Variants in MYRIP observed in about 807,000 individuals in gnomAD.
MYRIP encodes rab effector MyRIP.
Under a neutral mutation model 98.0 loss-of-function variants are expected in MYRIP, and 49 were observed. The observed-to-expected ratio is 0.50, with a 90% CI of 0.40 to 0.63. The LOEUF (loss-of-function observed/expected upper bound fraction) is 0.63, where lower values mean the gene tolerates loss of function less well. Ranked by LOEUF, MYRIP falls within the 30% of genes least tolerant of loss-of-function variation. The probability of loss-of-function intolerance (pLI) is 0.00; values close to 1 mark genes in which losing one functional copy is unlikely to be tolerated. For synonymous variants in MYRIP, 404 were observed against 409.5 expected, an observed-to-expected ratio of 0.99 and a Z score of 0.16; for missense variants, 1,004 against 1,058.2, an observed-to-expected ratio of 0.95 and a Z score of 0.71.
At chr3:40,033,035 A>T (rs1455043385) in intron 2 of MYRIP, among the ~76,000 whole-genome samples, 2 of 151,088 alleles carry the variant, frequency 1.3e-5, no homozygotes, top group Middle Eastern at 3.2e-3. Flanking sequence ...CATGCTGAAA[A>T]CTCTCAATAA....
Position 40,188,757 on chromosome 3 carries a change from A to G in MYRIP, c.1028-1069A>G, listed in dbSNP as rs1018446912. Among the ~76,000 whole-genome samples the G allele has an allele frequency of 3.6e-5, 5 of 139,180 alleles. No homozygotes were observed. The South Asian group carries it at 1.0e-3, about 28-fold the overall frequency. The allele number at this position is 139,180 out of a possible 152,430, so 91.3% of individuals were successfully genotyped here. The stretch of plus-strand genomic sequence containing the variant: ...GTGCCATTGCACTGCAGCCTGGGCA[A>G]CAAGAGTGAAACTCTGTCTCAAAAA... On this transcript the variant is annotated intron_variant, in intron 9 of 16. Transcript: ENST00000302541.
chr3:39,834,943 T>C (rs1941576217), intron 1 of MYRIP, among the ~76,000 whole-genome samples: 1 of 152,112 alleles, frequency 6.6e-6, no homozygotes, highest in African/African-American at 2.4e-5. Context: ...CATTGAATGC[T>C]AGGAGTAAAA....
intron 8 of MYRIP, among the ~76,000 whole-genome samples, chr3:40,170,518 A>G (rs1342354727): frequency 1.3e-5 from 2 of 152,206 alleles, no homozygotes. Context: ...CAAAATGGTC[A>G]CATCTGGACA....
chr3:39,929,688 A>T (rs971338511), intron 2 of MYRIP, among the ~76,000 whole-genome samples: 20 of 152,060 alleles, frequency 1.3e-4, no homozygotes, highest in Non-Finnish European at 2.8e-4. Context: ...TTCAAATATT[A>T]TCTCTGTCTA....
chr3:40,052,218 C>T (rs971523718), intron 3 of MYRIP, among the ~76,000 whole-genome samples: 6 of 152,042 alleles, frequency 3.9e-5, no homozygotes, highest in Admixed American at 1.3e-4. Context: ...CTGGTAACCA[C>T]CGAAATTCTA....
chr3:40,003,784 A>G (rs1946573958), intron 2 of MYRIP, among the ~76,000 whole-genome samples: 1 of 152,128 alleles, frequency 6.6e-6, no homozygotes. Context: ...TTGTTTCCGA[A>G]AAGCTTATAC....
chr3:39,894,477 G>A (rs957909103), intron 1 of MYRIP, among the ~76,000 whole-genome samples: 8 of 152,148 alleles, frequency 5.3e-5, no homozygotes, highest in African/African-American at 1.4e-4. Flanking sequence ...TAGTGTTCCC[G>A]TGGGTGAATA....
intron 1 of MYRIP, among the ~76,000 whole-genome samples, chr3:39,830,866 C>T (rs1014095061): frequency 1.3e-5 from 2 of 152,152 alleles, no homozygotes; most frequent in Non-Finnish European, 2.9e-5. Flanking sequence ...TGTCTAGACT[C>T]GCTGTATGCA....
At chr3:40,036,657 C>T (rs1267126692) in intron 2 of MYRIP, among the ~76,000 whole-genome samples, 2 of 152,002 alleles carry the variant, frequency 1.3e-5, no homozygotes, top group Admixed American at 6.6e-5. Flanking sequence ...TTAGAACACC[C>T]CATTTGCAAC....
intron 3 of MYRIP, among the ~76,000 whole-genome samples, chr3:40,076,946 C>T (rs1342907708): frequency 6.6e-6 from 1 of 152,072 alleles, no homozygotes; most frequent in Non-Finnish European, 1.5e-5. Flanking sequence ...AACCCTTTTT[C>T]ATTGCATATG....
intron 1 of MYRIP, among the ~76,000 whole-genome samples, chr3:39,845,582 A>T (rs543552858): frequency 6.6e-6 from 1 of 152,176 alleles, no homozygotes. Context: ...AATAGTTGAC[A>T]TTGTTTTAGT....
At position 40,159,150 on chromosome 3, in the gene MYRIP, G is replaced by A. The variant is rs536070088; in HGVS notation, c.470-3580G>A. On this transcript the variant is annotated intron_variant, in intron 4 of 16. Coordinates refer to ENST00000302541, the MANE Select transcript of MYRIP (RefSeq NM_015460.4). Reference sequence around the variant, plus strand: ...GCTGGTATCGGTTGTTCCTTTCCATGTTTAGTGCTTCCTTCAGGAGCTCTT... The same window carrying A: ...GCTGGTATCGGTTGTTCCTTTCCATATTTAGTGCTTCCTTCAGGAGCTCTT... Among the ~76,000 whole-genome samples, 98 of 151,884 alleles carry A rather than the reference G, an allele frequency of 6.5e-4. 1 individual carries two copies. Among genetic ancestry groups the A allele is most frequent in the African/African-American group, 2.3e-3 (94 of 41,350 alleles).
chr3:39,909,892 G>T lies in MYRIP; in HGVS notation c.110+8966G>T, dbSNP rs531415362. On this transcript the variant is annotated intron_variant, in intron 2 of 16. Coordinates refer to ENST00000302541, the MANE Select transcript of MYRIP (RefSeq NM_015460.4). ...TGGGAAAAGCACGTTCTTTTTTTTT[G>T]TTTGTTTGTTTTGTTTTGAGACAGA... is the stretch of plus-strand genomic sequence containing the variant. 4.6e-3 allele frequency among the ~76,000 whole-genome samples: 689 copies of T among 151,286 alleles called. 6 individuals carry two copies. The highest frequency in any genetic ancestry group is 0.015 in the African/African-American group (631 of 41,098).
At chr3:40,214,170 G>T (rs546480143) in intron 11 of MYRIP, among the ~76,000 whole-genome samples, 1 of 152,136 alleles carries the variant, frequency 6.6e-6, no homozygotes, top group African/African-American at 2.4e-5. Context: ...TCCATAAATC[G>T]CAAATACTTA....
chr3:40,093,821 A>G (rs1340826962), intron 3 of MYRIP, among the ~76,000 whole-genome samples: 1 of 152,220 alleles, frequency 6.6e-6, no homozygotes, highest in Non-Finnish European at 1.5e-5. Flanking sequence ...ACTCCTAACT[A>G]TCCAGAGGCA....
chr3:39,813,842 A>C (rs964867047), intron 1 of MYRIP, among the ~76,000 whole-genome samples: 9 of 152,178 alleles, frequency 5.9e-5, no homozygotes, highest in African/African-American at 2.2e-4. Flanking sequence ...TGCCTACTAG[A>C]GTGTGTAGTT....
chr3:39,818,411 T>A (rs1940991537), intron 1 of MYRIP, among the ~76,000 whole-genome samples: 1 of 152,206 alleles, frequency 6.6e-6, no homozygotes, highest in African/African-American at 2.4e-5. Flanking sequence ...TGAGGCAGAA[T>A]GTATCTGCAT....
intron 1 of MYRIP, among the ~76,000 whole-genome samples, chr3:39,824,889 A>T (rs1002408005): frequency 7.2e-5 from 11 of 151,926 alleles, no homozygotes; most frequent in Admixed American, 3.3e-4. Flanking sequence ...CTAATTTTTT[A>T]AAATTTTATA....
At chr3:40,167,876 C>G (rs1049878497) in intron 7 of MYRIP, among the ~76,000 whole-genome samples, 4 of 152,190 alleles carry the variant, frequency 2.6e-5, no homozygotes, top group African/African-American at 4.8e-5. Context: ...GCAGCAGGGT[C>G]TGGGGACAGG....
Sources: gnomAD v4.1 joint callset for allele counts (sites outside exome capture counted in the v4.1 genomes callset) on GRCh38, gnomAD v4.1.1 for gene constraint, MANE v1.5 for transcripts, NCBI Gene and HGNC (gene_info 2026-07-23, HGNC 2026-07-21) for gene names.